Variants in LRRC7 observed in about 807,000 individuals in gnomAD.
The protein encoded by LRRC7 is leucine-rich repeat-containing protein 7.
LRRC7 carries 23 observed loss-of-function variants against 175.7 expected under a neutral mutation model. The ratio of observed to expected loss-of-function variants is 0.13; its 90% CI spans 0.09 to 0.19. The LOEUF (loss-of-function observed/expected upper bound fraction) is 0.19. Ranked by LOEUF, LRRC7 falls within the 10% of genes least tolerant of loss-of-function variation. The pLI is 1.00. For missense variants in LRRC7, 1,354 were observed against 1,904.7 expected (o/e 0.71, Z 5.38); for synonymous variants, 685 against 680.9 (o/e 1.01, Z -0.09).
At chr1:69,797,324 T>C (rs6681847) in intron 4 of LRRC7, among the ~76,000 whole-genome samples, 80,281 of 151,886 alleles carry the variant, frequency 0.53, 21,778 homozygotes, top group African/African-American at 0.66. Context: ...TCATATCAAG[T>C]TTTGGCCTTT....
At chr1:70,066,838 C>T (rs1425342346) in intron 23 of LRRC7, among the ~76,000 whole-genome samples, 1 of 152,072 alleles carries the variant, frequency 6.6e-6, no homozygotes, top group Non-Finnish European at 1.5e-5. Context: ...TACCATTTGA[C>T]ATTGCCAGCA....
intron 7 of LRRC7, among the ~76,000 whole-genome samples, chr1:69,845,821 C>G (rs1156530283): frequency 6.6e-6 from 1 of 152,134 alleles, no homozygotes; most frequent in East Asian, 1.9e-4. Flanking sequence ...ATTTGTAATT[C>G]TGTTTTGTAA....
intron 18 of LRRC7, among the ~76,000 whole-genome samples, chr1:70,030,747 T>C (rs935932871): frequency 6.6e-6 from 1 of 152,006 alleles, no homozygotes; most frequent in Non-Finnish European, 1.5e-5. Flanking sequence ...TGACCAGAAG[T>C]GGAAAACGGA....
chr1:69,692,727 G>A (rs1299583995), intron 2 of LRRC7, among the ~76,000 whole-genome samples: 1 of 152,132 alleles, frequency 6.6e-6, no homozygotes, highest in Non-Finnish European at 1.5e-5. Context: ...CCTCTTGTGT[G>A]CTTGTAATAC....
At chr1:70,009,042 T>C (rs1318290194) in intron 11 of LRRC7, among the ~76,000 whole-genome samples, 3 of 152,116 alleles carry the variant, frequency 2.0e-5, no homozygotes, top group Admixed American at 6.6e-5. Flanking sequence ...TGTTCACACA[T>C]TGGAATTGTG....
At chr1:69,594,336 A>G (rs565710115) in intron 1 of LRRC7, among the ~76,000 whole-genome samples, 25 of 152,304 alleles carry the variant, frequency 1.6e-4, no homozygotes, top group African/African-American at 5.1e-4. Context: ...TTTTATATGT[A>G]CCATTAATTT....
In LRRC7 at chr1:70,137,568, T is replaced by C. The variant is rs1347078801; in HGVS notation, c.*15681T>C. ...AACACTCCACCACTGGGGGTTGCTT[T>C]GTGTTTAAGTACCTAATAGACCCAC... On this transcript the variant is annotated 3_prime_UTR_variant, in exon 27 of 27. Coordinates refer to ENST00000651989, the MANE Select transcript of LRRC7 (RefSeq NM_001370785.2). 1.3e-5 allele frequency among the ~76,000 whole-genome samples: 2 copies of C among 152,246 alleles called. No individual in the cohort carries two copies. Among genetic ancestry groups the C allele is most frequent in the African/African-American group, 4.8e-5 (2 of 41,466 alleles).
At chr1:69,965,037 A>G (rs922568509) in intron 8 of LRRC7, among the ~76,000 whole-genome samples, 3 of 152,234 alleles carry the variant, frequency 2.0e-5, no homozygotes, top group Non-Finnish European at 4.4e-5. Context: ...GTCAGTCTGA[A>G]TTATATTCTC....
At chr1:70,009,814 A>G (rs1019514893) in intron 11 of LRRC7, among the ~76,000 whole-genome samples, 5 of 152,236 alleles carry the variant, frequency 3.3e-5, no homozygotes, top group Admixed American at 3.3e-4. Context: ...TGTTAAGGTG[A>G]TGAAGTTTGA....
chr1:70,126,367 G>A lies in LRRC7; in HGVS notation c.*4480G>A, dbSNP rs922591774. Reference sequence around the variant, plus strand: ...CTTTATCTAGTATAAAGAAAAGCGGGGTTGAAGTTCCACTGTAGTTCCTTT... The same window carrying A: ...CTTTATCTAGTATAAAGAAAAGCGGAGTTGAAGTTCCACTGTAGTTCCTTT... On this transcript the variant is annotated 3_prime_UTR_variant, in exon 27 of 27. Transcript: ENST00000651989. 3.3e-5 allele frequency among the ~76,000 whole-genome samples: 5 copies of A among 151,824 alleles called. No homozygotes were observed. The highest frequency in any genetic ancestry group is 3.2e-3 in the Middle Eastern group (1 of 316).
chr1:69,910,571 C>T (rs987685612), intron 7 of LRRC7, among the ~76,000 whole-genome samples: 1 of 152,166 alleles, frequency 6.6e-6, no homozygotes, highest in Admixed American at 6.5e-5. Context: ...AGTTTTGTCT[C>T]AGAGGAGTAC....
At chr1:69,871,550 A>C (rs1685543651) in intron 7 of LRRC7, among the ~76,000 whole-genome samples, 1 of 152,054 alleles carries the variant, frequency 6.6e-6, no homozygotes, top group African/African-American at 2.4e-5. Context: ...TATTTAAAAT[A>C]TAAAAATATA....
At chr1:69,895,001 C>A (rs1005076764) in intron 7 of LRRC7, among the ~76,000 whole-genome samples, 1 of 152,126 alleles carries the variant, frequency 6.6e-6, no homozygotes, top group Non-Finnish European at 1.5e-5. Context: ...CCAAGGCAGG[C>A]GGATCACCCG....
chr1:69,896,468 G>A (rs11209579), intron 7 of LRRC7, among the ~76,000 whole-genome samples: 84,338 of 151,820 alleles, frequency 0.56, 23,479 homozygotes, highest in East Asian at 0.7. Flanking sequence ...TTACACAGAT[G>A]GTCAGTATAT....
chr1:69,622,926 G>A (rs1650866854), intron 1 of LRRC7, among the ~76,000 whole-genome samples: 2 of 152,122 alleles, frequency 1.3e-5, no homozygotes, highest in South Asian at 4.1e-4. Flanking sequence ...AGAGATGATG[G>A]GCTCAGGTCC....
intron 25 of LRRC7, among the ~76,000 whole-genome samples, chr1:70,101,261 A>G (rs993268539): frequency 2.0e-5 from 3 of 152,200 alleles, no homozygotes; most frequent in African/African-American, 7.2e-5. Context: ...AAAATGCTAT[A>G]TGCTATTTTT....
rs375027688 is a variant in LRRC7 at position 69,994,711 on chromosome 1, A to T, written c.1004+78A>T. Reference sequence around the variant, plus strand: ...GATATATTGAGTTTTCTAATTCAAAACATTTTCTACTAAAGATACCAATAA... The same window carrying T: ...GATATATTGAGTTTTCTAATTCAAATCATTTTCTACTAAAGATACCAATAA... On this transcript the variant is annotated intron_variant, in intron 11 of 26. Coordinates refer to ENST00000651989, the MANE Select transcript of LRRC7 (RefSeq NM_001370785.2). 2.0e-4 allele frequency: 179 copies of T among 893,802 alleles called. No homozygotes were observed. The East Asian group carries it at 3.4e-3, about 17-fold the overall frequency. The allele number at this position is 893,802 out of a possible 1,614,324, so 55.4% of individuals were successfully genotyped here.
At chr1:70,116,310 G>A (rs2102233077) in intron 26 of LRRC7, among the ~76,000 whole-genome samples, 1 of 152,266 alleles carries the variant, frequency 6.6e-6, no homozygotes, top group East Asian at 1.9e-4. Context: ...CACTTTGGGA[G>A]GCCGAGGCAG....
intron 2 of LRRC7, among the ~76,000 whole-genome samples, chr1:69,747,406 A>G (rs1443642075): frequency 6.6e-6 from 1 of 152,196 alleles, no homozygotes; most frequent in East Asian, 1.9e-4. Context: ...GTCATGCCAG[A>G]GGCTTGTATG....
Sources: gnomAD v4.1 joint callset for allele counts (sites outside exome capture counted in the v4.1 genomes callset) on GRCh38, gnomAD v4.1.1 for gene constraint, MANE v1.5 for transcripts, NCBI Gene and HGNC (gene_info 2026-07-23, HGNC 2026-07-21) for gene names.